Variants in PCSK6 observed in about 807,000 individuals in gnomAD.
PCSK6 encodes paired basic amino acid cleaving enzyme 4.
PCSK6 carries 85 observed loss-of-function variants against 123.3 expected under a neutral mutation model. The observed-to-expected ratio is 0.69, with a 90% CI of 0.58 to 0.83. The LOEUF (loss-of-function observed/expected upper bound fraction) is 0.83, where lower values mean the gene tolerates loss of function less well. Ranked by LOEUF, PCSK6 falls within the 40% of genes least tolerant of loss-of-function variation. The pLI is 0.00. For synonymous variants in PCSK6, 508 were observed against 516.0 expected (o/e 0.98, Z 0.21); for missense variants, 1,191 against 1,282.3 (o/e 0.93, Z 1.09).
intron 1 of PCSK6, among the ~76,000 whole-genome samples, chr15:101,453,624 A>G (rs1404996522): frequency 6.6e-6 from 1 of 152,178 alleles, no homozygotes; most frequent in East Asian, 1.9e-4. Flanking sequence ...CTCATTGTAC[A>G]TGTTACCACC....
chr15:101,329,665 C>G (rs1413101450), intron 15 of PCSK6, among the ~76,000 whole-genome samples: 1 of 152,230 alleles, frequency 6.6e-6, no homozygotes. Context: ...ACTCCGTCTT[C>G]CAGACGATGC....
At chr15:101,403,185 A>G (rs2042647162) in intron 6 of PCSK6, among the ~76,000 whole-genome samples, 1 of 147,682 alleles carries the variant, frequency 6.8e-6, no homozygotes. Context: ...AAAACCAAAC[A>G]CCGCATGTTC....
chr15:101,377,431 C>T (rs1011000280), intron 11 of PCSK6, among the ~76,000 whole-genome samples: 8 of 152,170 alleles, frequency 5.3e-5, no homozygotes, highest in East Asian at 3.9e-4. Context: ...GCAGCTCAGC[C>T]CCACAGCACC....
At chr15:101,481,963 C>T (rs963280963) in intron 1 of PCSK6, among the ~76,000 whole-genome samples, 2 of 152,224 alleles carry the variant, frequency 1.3e-5, no homozygotes, top group African/African-American at 4.8e-5. Flanking sequence ...CAGAGCCATG[C>T]TGGTGTGCAG....
intron 20 of PCSK6, 164 bp downstream of exon 20, chr15:101,313,212 A>G (rs950533583): frequency 6.5e-7 from 1 of 1,535,412 alleles, no homozygotes; most frequent in Admixed American, 2.0e-5. Context: ...CAGTGAACAA[A>G]GGGACGAAGG....
chr15:101,438,711 T>C (rs2056673010), intron 2 of PCSK6, among the ~76,000 whole-genome samples: 1 of 152,236 alleles, frequency 6.6e-6, no homozygotes, highest in Non-Finnish European at 1.5e-5. Context: ...CTGCCGACTC[T>C]GTCTGTCCCT....
At chr15:101,339,646 CT>C (rs1350074203) in intron 13 of PCSK6, among the ~76,000 whole-genome samples, 1 of 151,864 alleles carries the variant, frequency 6.6e-6, no homozygotes, top group African/African-American at 2.4e-5. Flanking sequence ...GTAGCTCACG[CT>C]TGTGATCGCA....
At chr15:101,441,835 T>G (rs937998877) in intron 2 of PCSK6, among the ~76,000 whole-genome samples, 1 of 152,222 alleles carries the variant, frequency 6.6e-6, no homozygotes, top group Non-Finnish European at 1.5e-5. Flanking sequence ...AATGAGGATG[T>G]TTCTTCACAC....
chr15:101,343,484 A>G (rs1445709104), intron 13 of PCSK6, among the ~76,000 whole-genome samples: 1 of 152,178 alleles, frequency 6.6e-6, no homozygotes. Flanking sequence ...AATTACAGCC[A>G]TAAAGTTGTC....
chr15:101,331,896 G>A lies in PCSK6; in HGVS notation c.1994C>T (p.Ser665Leu). The A allele has an allele frequency of 1.2e-6, 2 of 1,613,682 alleles. No individual in the cohort carries two copies. The highest frequency in any genetic ancestry group is 2.7e-5 in the African/African-American group (2 of 75,050). The part of the protein sequence containing the change: ...PELEPPKAAL[S>L]PSQVEVPEDE... ...TTCAGGAACTTCCACCTGGGAGGGT[G>A]ACAGGGCAGCCTTGGGTGGCTCCAG... Residue 665 changes from serine to leucine, a missense_variant, in exon 14 of 22, where the codon TCA becomes TTA. By Grantham distance (145) the Ser-to-Leu change is moderately radical. Around this residue, in one of 3 missense-constraint regions of PCSK6, gnomAD observed 630 missense variants for 631.4 expected, o/e 1.00. Transcript: ENST00000611716.
At chr15:101,449,714 G>A (rs2056983840) in intron 1 of PCSK6, among the ~76,000 whole-genome samples, 1 of 152,182 alleles carries the variant, frequency 6.6e-6, no homozygotes, top group African/African-American at 2.4e-5. Flanking sequence ...CCACTGGGGA[G>A]GTGGGTTCTG....
chr15:101,443,794 C>T, intron 1 of PCSK6, 134 bp from the exon 2 acceptor site: 2 of 672,714 alleles, frequency 3.0e-6, no homozygotes. Flanking sequence ...CATCACCCTG[C>T]TCCTCATATC....
chr15:101,457,144 CCTGAGCAA>C (rs1353452846), intron 1 of PCSK6, among the ~76,000 whole-genome samples: 1 of 151,884 alleles, frequency 6.6e-6, no homozygotes, highest in East Asian at 1.9e-4. Context: ...CGCACTCCAG[CCTGAGCAA>C]CAGAGTGAGA....
chr15:101,347,696 C>T lies in PCSK6; in HGVS notation c.1859-15665G>A, dbSNP rs1432957659. 3.7e-6 allele frequency: 6 copies of T among 1,606,968 alleles called. No homozygotes were observed. In the African/African-American group the frequency reaches 6.7e-5, roughly 18 times the overall value. The stretch of plus-strand genomic sequence containing the variant: ...TTCTAAATGTGGTGGCTTTGGTCAT[C>T]TGTCCCTCTGCAGTATTTCACAGAG... On this transcript the variant is annotated intron_variant, in intron 13 of 21. Transcript: ENST00000611716.
At chr15:101,410,143 G>A (rs1360067770) in intron 6 of PCSK6, among the ~76,000 whole-genome samples, 3 of 152,204 alleles carry the variant, frequency 2.0e-5, no homozygotes, top group Non-Finnish European at 4.4e-5. Context: ...ATGTTGTTGA[G>A]GCTGGTTTCA....
At position 101,325,669 on chromosome 15, in the gene PCSK6, T is replaced by C. The variant is rs562690839; in HGVS notation, c.2181-623A>G. On this transcript the variant is annotated intron_variant, in intron 16 of 21. Coordinates refer to ENST00000611716, the MANE Select transcript of PCSK6 (RefSeq NM_002570.5). ...CTCAGGGAAGTTTGTGAAATGAGAA[T>C]GGACAACAGGGCAGCTGCAGGACTG... Among the ~76,000 whole-genome samples, 57 of 152,268 alleles carry C rather than the reference T, an allele frequency of 3.7e-4. No homozygotes were observed. The Middle Eastern group carries it at 0.014, about 36-fold the overall frequency.
intron 13 of PCSK6, among the ~76,000 whole-genome samples, chr15:101,359,513 G>GT (rs2041147663): frequency 6.6e-6 from 1 of 152,210 alleles, no homozygotes; most frequent in African/African-American, 2.4e-5. Context: ...AACACCTATT[G>GT]GGCACCTATC....
In PCSK6 at chr15:101,468,251, G is replaced by A. The variant is rs2057514617; in HGVS notation, c.297+21123C>T. On this transcript the variant is annotated intron_variant, in intron 1 of 21. Transcript: ENST00000611716. ...GATCAAGCCCTCAGAGCAGTTTCTTGCCCAGTAAGAGTTTGTCATCCTTGT... is the reference window on the plus strand; with the variant it reads ...GATCAAGCCCTCAGAGCAGTTTCTTACCCAGTAAGAGTTTGTCATCCTTGT... 2.0e-5 allele frequency among the ~76,000 whole-genome samples: 3 copies of A among 152,170 alleles called. No homozygotes were observed. The South Asian group carries it at 6.3e-4, about 32-fold the overall frequency.
In PCSK6 at chr15:101,304,174, A is replaced by C. The variant is rs1338795372; in HGVS notation, c.*1084T>G. On this transcript the variant is annotated 3_prime_UTR_variant, in exon 22 of 22. Transcript: ENST00000611716. ...TTGATCAAGCAGATCTGTGCATTTC[A>C]ATGAAAATATATGAAATATTTGTCA... The C allele has an allele frequency of 1.3e-5, 2 of 152,602 alleles. No individual in the cohort carries two copies. The highest frequency in any genetic ancestry group is 2.9e-5 in the Non-Finnish European group (2 of 68,042). 9.5% of individuals were successfully genotyped at this position (152,602 alleles called of 1,614,324 possible).
Sources: gnomAD v4.1 joint callset for allele counts (sites outside exome capture counted in the v4.1 genomes callset) on GRCh38, gnomAD v4.1.1 for gene constraint, gnomAD v4.1.1 regional missense constraint, MANE v1.5 for transcripts, NCBI Gene and HGNC (gene_info 2026-07-23, HGNC 2026-07-21) for gene names.